The following PCBP3 variants were observed in gnomAD, a reference collection of about 807,000 sequenced individuals.
The protein encoded by PCBP3 is poly(rC)-binding protein 3.
PCBP3 carries 25 observed loss-of-function variants against 52.7 expected under a neutral mutation model. The ratio of observed to expected loss-of-function variants is 0.47; its 90% confidence interval spans 0.35 to 0.66. The LOEUF is 0.66. Ranked by LOEUF, PCBP3 falls within the 30% of genes least tolerant of loss-of-function variation. The pLI is 0.01. For synonymous variants in PCBP3, 162 were observed against 183.0 expected (o/e 0.89, Z 0.93); for missense variants, 391 against 490.3 (o/e 0.80, Z 1.91).
At chr21:45,832,225 G>A (rs1569284781) in intron 4 of PCBP3, among the ~76,000 whole-genome samples, 1 of 152,172 alleles carries the variant, frequency 6.6e-6, no homozygotes, top group Non-Finnish European at 1.5e-5. Flanking sequence ...CATGGCATTT[G>A]TAAACTGTTA....
intron 9 of PCBP3, among the ~76,000 whole-genome samples, chr21:45,909,153 T>C (rs1172381692): frequency 6.6e-6 from 1 of 152,026 alleles, no homozygotes; most frequent in African/African-American, 2.4e-5. Context: ...CCTTGCCGTC[T>C]GTGTGCCCTG....
Position 45,656,556 on chromosome 21 carries a change from G to A in PCBP3, c.-278-12318G>A, listed in dbSNP as rs946271639. ...TACCTAATGTAGATGACGGGTTGAT[G>A]GGTGCAGCAAACCACCGTGGCATGT... On this transcript the variant is annotated intron_variant, in intron 1 of 17. Coordinates refer to ENST00000681687, the MANE Select transcript of PCBP3 (RefSeq NM_001384156.1). This position sits in a 1 kb window ranked among gnomAD's most constrained non-coding sequence, Gnocchi z 4.3. Among the ~76,000 whole-genome samples the A allele has an allele frequency of 6.6e-6, 1 of 151,966 alleles. No homozygotes were observed. The highest frequency in any genetic ancestry group is 2.4e-5 in the African/African-American group (1 of 41,326).
chr21:45,733,575 G>A (rs1450553541), intron 2 of PCBP3, among the ~76,000 whole-genome samples: 1 of 151,940 alleles, frequency 6.6e-6, no homozygotes, highest in East Asian at 1.9e-4. Context: ...ACAGGCATGA[G>A]CCACCGTGCC....
intron 5 of PCBP3, among the ~76,000 whole-genome samples, chr21:45,859,191 G>T (rs1041273259): frequency 1.3e-5 from 2 of 152,186 alleles, no homozygotes; most frequent in Non-Finnish European, 2.9e-5. Flanking sequence ...TGGGATGTGA[G>T]CTCTGTGAAT....
Position 45,708,861 on chromosome 21 carries a change from C to T in PCBP3, c.-199-26531C>T. 3.3e-5 allele frequency among the ~76,000 whole-genome samples: 5 copies of T among 152,352 alleles called. No individual in the cohort carries two copies. In the South Asian group the frequency reaches 1.0e-3, roughly 32 times the overall value. On this transcript the variant is annotated intron_variant, in intron 2 of 17. Transcript: ENST00000681687. ...GCATTTGCACTGTTCACACACATGT[C>T]CAGTTGTCCAGAAAGCTCTGCATAT...
At position 45,788,886 on chromosome 21, in the gene PCBP3, G is replaced by C. The variant is rs2091339652; in HGVS notation, c.-126+33434G>C. ...TTCTCCTCAGGTTAGAAACACAGTG[G>C]AGCTAATGACACATTTCAGAATTAG... On this transcript the variant is annotated intron_variant, in intron 4 of 17. Transcript: ENST00000681687. The surrounding 1 kb of genome is among the most constrained non-coding windows in gnomAD (Gnocchi z 4.3). The C allele has an allele frequency of 6.6e-6, 1 of 152,152 alleles. No individual in the cohort carries two copies. The highest frequency in any genetic ancestry group is 2.4e-5 in the African/African-American group (1 of 41,438). The allele number at this position is 152,152 out of a possible 1,614,324, so 9.4% of individuals were successfully genotyped here.
rs1034712099 is a variant in PCBP3 at position 45,791,863 on chromosome 21, G to A, written c.-126+36411G>A. ...TAAAGCAACTATGTAGTTAGGTCCT[G>A]CTCCTGAAAGCAAGGATGCAGTTCA... On this transcript the variant is annotated intron_variant, in intron 4 of 17. Coordinates refer to ENST00000681687, the MANE Select transcript of PCBP3 (RefSeq NM_001384156.1). The surrounding 1 kb of genome is among the most constrained non-coding windows in gnomAD (Gnocchi z 4.2). Among the ~76,000 whole-genome samples the A allele has an allele frequency of 6.6e-6, 1 of 152,244 alleles. No homozygotes were observed. The highest frequency in any genetic ancestry group is 2.4e-5 in the African/African-American group (1 of 41,464).
intron 6 of PCBP3, among the ~76,000 whole-genome samples, chr21:45,896,984 AGGCGG>A (rs2095850774): frequency 6.6e-6 from 1 of 151,292 alleles, no homozygotes; most frequent in Non-Finnish European, 1.5e-5. Context: ...TCTGTAGGAA[AGGCGG>A]ACATGGCACA....
At chr21:45,888,736 G>A (rs750572129) in intron 5 of PCBP3, among the ~76,000 whole-genome samples, 7 of 152,198 alleles carry the variant, frequency 4.6e-5, no homozygotes, top group Non-Finnish European at 1.0e-4. Flanking sequence ...TTCCACACGT[G>A]GACAGTATCT....
At chr21:45,739,762 C>T (rs540231051) in intron 3 of PCBP3, among the ~76,000 whole-genome samples, 1 of 152,100 alleles carries the variant, frequency 6.6e-6, no homozygotes, top group South Asian at 2.1e-4. Context: ...TTCATCAGCC[C>T]ACCCCTTCCT....
In PCBP3 at chr21:45,741,504, A is replaced by C. The variant is rs2086448049; in HGVS notation, c.-162+6075A>C. ...GTTGTAAGATCAAGAATAGCAATAC[A>C]AACTCAGTAATTAGAAATATGGAGA... On this transcript the variant is annotated intron_variant, in intron 3 of 17. Coordinates refer to ENST00000681687, the MANE Select transcript of PCBP3 (RefSeq NM_001384156.1). The surrounding 1 kb of genome is among the most constrained non-coding windows in gnomAD (Gnocchi z 4.5). Among the ~76,000 whole-genome samples, 1 of 152,156 alleles carries C rather than the reference A, an allele frequency of 6.6e-6. No individual in the cohort carries two copies. Among genetic ancestry groups the C allele is most frequent in the Non-Finnish European group, 1.5e-5 (1 of 68,022 alleles).
chr21:45,644,782 A>G (rs554133799), intron 1 of PCBP3, among the ~76,000 whole-genome samples: 1 of 152,272 alleles, frequency 6.6e-6, no homozygotes, highest in South Asian at 2.1e-4. Context: ...AGAGGCCTTT[A>G]GAGATTAGAC....
chr21:45,774,984 A>T (rs1045008719), intron 4 of PCBP3, among the ~76,000 whole-genome samples: 1 of 151,958 alleles, frequency 6.6e-6, no homozygotes, highest in Non-Finnish European at 1.5e-5. Context: ...ATTTTGTTGT[A>T]TTCTTGTCTG....
At chr21:45,757,999 G>A (rs1468194265) in intron 4 of PCBP3, among the ~76,000 whole-genome samples, 1 of 151,634 alleles carries the variant, frequency 6.6e-6, no homozygotes, top group Admixed American at 6.6e-5. Flanking sequence ...TGATTCTTGT[G>A]CCTCTCAGCC....
chr21:45,884,763 A>G (rs530519703), intron 5 of PCBP3, among the ~76,000 whole-genome samples: 1 of 152,194 alleles, frequency 6.6e-6, no homozygotes, highest in Non-Finnish European at 1.5e-5. Flanking sequence ...GGGTTTTGCC[A>G]TGTTGCCCAG....
At chr21:45,651,717 G>A (rs1278095603) in intron 1 of PCBP3, among the ~76,000 whole-genome samples, 2 of 152,108 alleles carry the variant, frequency 1.3e-5, no homozygotes, top group Non-Finnish European at 2.9e-5. Flanking sequence ...AAAAATCATT[G>A]TGCGTATCAC....
chr21:45,756,560 A>G (rs934690739), intron 4 of PCBP3, among the ~76,000 whole-genome samples: 9 of 152,096 alleles, frequency 5.9e-5, no homozygotes, highest in Non-Finnish European at 8.8e-5. Flanking sequence ...TTTCCATTTT[A>G]TCTTGTTTGT....
chr21:45,834,262 C>A (rs1163780749), intron 4 of PCBP3, among the ~76,000 whole-genome samples: 1 of 152,260 alleles, frequency 6.6e-6, no homozygotes, highest in Non-Finnish European at 1.5e-5. Context: ...GCTTCTTTTC[C>A]TGGCAGTGTC....
At chr21:45,935,548 G>A in intron 16 of PCBP3, 1 of 637,440 alleles carries the variant, frequency 1.6e-6, no homozygotes, top group Non-Finnish European at 2.9e-6. Flanking sequence ...GGGGACTTCA[G>A]ATATTAATCA....
Sources: allele counts gnomAD v4.1 joint callset (sites outside exome capture counted in the v4.1 genomes callset), GRCh38; gene constraint gnomAD v4.1.1; non-coding constraint Gnocchi (gnomAD v3.1); transcripts MANE v1.5; gene names NCBI Gene and HGNC (gene_info 2026-07-23, HGNC 2026-07-21).